XKR6: variants seen among roughly 807,000 people sequenced by gnomAD.
XKR6 encodes the protein XK-related protein 6.
In XKR6, 22 loss-of-function variants were observed where a neutral mutation model predicts 56.7. That is an observed-to-expected ratio of 0.39 (90% CI 0.28 to 0.55). The LOEUF is 0.55. Among genes scored for constraint, XKR6 ranks in the 20% least tolerant of loss-of-function variants. XKR6 has a pLI of 0.66. For missense variants in XKR6, 852 were observed against 889.0 expected, an observed-to-expected ratio of 0.96 and a Z score of 0.53; for synonymous variants, 524 against 387.8, an observed-to-expected ratio of 1.35 and a Z score of -4.13.
At chr8:11,099,539 T>G (rs924309419) in intron 1 of XKR6, among the ~76,000 whole-genome samples, 8 of 152,216 alleles carry the variant, frequency 5.3e-5, no homozygotes, top group African/African-American at 1.7e-4. Flanking sequence ...TTACAGTCGC[T>G]GGATTTTTTT....
chr8:11,079,839 C>T (rs1797658175), intron 1 of XKR6, among the ~76,000 whole-genome samples: 1 of 152,004 alleles, frequency 6.6e-6, no homozygotes, highest in Non-Finnish European at 1.5e-5. Flanking sequence ...TGGTGGCGTG[C>T]ACCTGTAGAC....
intron 1 of XKR6, among the ~76,000 whole-genome samples, chr8:11,093,196 C>A (rs930250876): frequency 6.6e-6 from 1 of 152,112 alleles, no homozygotes; most frequent in Admixed American, 6.5e-5. Flanking sequence ...GCTGGGAACA[C>A]AGGCGTGTGC....
At chr8:11,084,468 C>T (rs769182527) in intron 1 of XKR6, among the ~76,000 whole-genome samples, 5 of 152,038 alleles carry the variant, frequency 3.3e-5, no homozygotes, top group Admixed American at 6.6e-5. Flanking sequence ...GCACTATTTA[C>T]CATAGAGCAT....
At position 10,924,914 on chromosome 8, in the gene XKR6, G is replaced by A. The variant is rs138879434; in HGVS notation, c.765-84C>T. The A allele has an allele frequency of 4.3e-3, 6,180 of 1,424,522 alleles. 23 individuals carry two copies. The highest frequency in any genetic ancestry group is 6.2e-3 in the Admixed American group (308 of 49,760). 88.2% of individuals were successfully genotyped at this position (1,424,522 alleles called of 1,614,324 possible). A position where few individuals can be genotyped will look rare whatever the true frequency, so the allele number is the denominator to read the frequency against. On this transcript the variant is annotated intron_variant, in intron 1 of 2. Transcript: ENST00000416569. ...ACCCTTGCCATCCCCCTAAAACCAA[G>A]AGACTCAGCATCCCCCCAACTCCCT...
At chr8:11,135,863 G>C (rs1478012170) in intron 1 of XKR6, among the ~76,000 whole-genome samples, 1 of 151,894 alleles carries the variant, frequency 6.6e-6, no homozygotes, top group Non-Finnish European at 1.5e-5. Context: ...TAAAAATACA[G>C]AAAAGTACAT....
rs547315882 is a variant in XKR6, at chr8:11,201,557, C to G, written c.-218G>C. Among the ~76,000 whole-genome samples, 59 of 152,158 alleles carry G rather than the reference C, an allele frequency of 3.9e-4. No homozygotes were observed. The highest frequency in any genetic ancestry group is 1.3e-3 in the African/African-American group (56 of 41,524). ...GCGAGCCCCCCAATCGCACGGCGCC[C>G]GCAGCTCCCCAGCCCTACCCTCCCG... On this transcript the variant is annotated 5_prime_UTR_variant, in exon 1 of 3. Transcript: ENST00000416569.
At chr8:11,158,205 T>A (rs1264909332) in intron 1 of XKR6, among the ~76,000 whole-genome samples, 2 of 152,002 alleles carry the variant, frequency 1.3e-5, no homozygotes, top group African/African-American at 4.8e-5. Context: ...GGAAATACAG[T>A]GTGCAATGGA....
intron 1 of XKR6, among the ~76,000 whole-genome samples, chr8:11,182,064 C>T (rs1803015779): frequency 6.6e-6 from 1 of 152,222 alleles, no homozygotes; most frequent in African/African-American, 2.4e-5. Context: ...CAGGCATGAG[C>T]CACCACGCCC....
intron 1 of XKR6, among the ~76,000 whole-genome samples, chr8:11,130,921 G>C (rs1008087984): frequency 7.9e-5 from 12 of 152,146 alleles, no homozygotes; most frequent in African/African-American, 2.9e-4. Context: ...TCCCCAAATA[G>C]TAGATTTTAT....
At chr8:11,079,511 G>T (rs950911977) in intron 1 of XKR6, among the ~76,000 whole-genome samples, 4 of 152,154 alleles carry the variant, frequency 2.6e-5, no homozygotes, top group African/African-American at 7.2e-5. Context: ...AAGATCATTT[G>T]GAAGTCTACA....
At chr8:11,191,166 A>G (rs978729050) in intron 1 of XKR6, among the ~76,000 whole-genome samples, 1 of 152,222 alleles carries the variant, frequency 6.6e-6, no homozygotes, top group Non-Finnish European at 1.5e-5. Context: ...AACAGACCTG[A>G]TAACTCAGCT....
chr8:11,062,636 A>G (rs757086889), intron 1 of XKR6: 63 of 399,806 alleles, frequency 1.6e-4, no homozygotes, highest in Non-Finnish European at 2.9e-4. Flanking sequence ...TTTAAAAGCA[A>G]AGAATCCCAC....
At chr8:10,988,569 G>T (rs938496382) in intron 1 of XKR6, among the ~76,000 whole-genome samples, 4 of 152,156 alleles carry the variant, frequency 2.6e-5, no homozygotes, top group African/African-American at 4.8e-5. Flanking sequence ...TTCCATGCAA[G>T]GTCCACACAG....
At chr8:10,913,105 A>T (rs1167323810) in intron 2 of XKR6, among the ~76,000 whole-genome samples, 1 of 151,420 alleles carries the variant, frequency 6.6e-6, no homozygotes, top group Non-Finnish European at 1.5e-5. Flanking sequence ...GAGAGAGAGT[A>T]TATATATAGA....
intron 1 of XKR6, among the ~76,000 whole-genome samples, chr8:11,025,304 C>T (rs1193559788): frequency 6.6e-6 from 1 of 152,220 alleles, no homozygotes; most frequent in Admixed American, 6.5e-5. Context: ...CCTTTCAACA[C>T]ATTTTTACAT....
At chr8:10,962,496 T>C (rs937314894) in intron 1 of XKR6, among the ~76,000 whole-genome samples, 1 of 152,196 alleles carries the variant, frequency 6.6e-6, no homozygotes, top group Non-Finnish European at 1.5e-5. Context: ...AAATGTATTT[T>C]TGTTTATTTA....
At chr8:11,059,679 GCGGGCGCGGGGCGGGACAGGCGCGT>G (rs1376888676) in intron 1 of XKR6, among the ~76,000 whole-genome samples, 6 of 129,592 alleles carry the variant, frequency 4.6e-5, no homozygotes, top group South Asian at 4.3e-4. Flanking sequence ...GACAGGTGCG[GCGGGCGCGGGGCGGGACAGGCGCGT>G]CTCTGTTCCC....
intron 1 of XKR6, among the ~76,000 whole-genome samples, chr8:10,939,335 A>ATGAG (rs1801319659): frequency 2.6e-5 from 4 of 152,158 alleles, no homozygotes; most frequent in Admixed American, 2.6e-4. Context: ...GCCTGGCCCC[A>ATGAG]AGGACCAGTG....
At position 11,200,434 on chromosome 8, in the gene XKR6, G is replaced by T; in HGVS notation, c.764+142C>A. ...ATCCAGATCAAACGCCGGTCTTTTG[G>T]AGACGCCAGGGGCGGCGCGCGGCCG... On this transcript the variant is annotated intron_variant, in intron 1 of 2. Transcript: ENST00000416569. The surrounding 1 kb of genome is among the most constrained non-coding windows in gnomAD (Gnocchi z 6.4). 8.7e-7 allele frequency: 1 copy of T among 1,145,648 alleles called. No homozygotes were observed. Among genetic ancestry groups the T allele is most frequent in the Non-Finnish European group, 1.1e-6 (1 of 882,490 alleles). The allele number at this position is 1,145,648 out of a possible 1,614,324, so 71.0% of individuals were successfully genotyped here.
Sources: allele counts gnomAD v4.1 joint callset (sites outside exome capture counted in the v4.1 genomes callset), GRCh38; gene constraint gnomAD v4.1.1; non-coding constraint Gnocchi (gnomAD v3.1); transcripts MANE v1.5; gene names NCBI Gene and HGNC (gene_info 2026-07-23, HGNC 2026-07-21).